Variants in HIBADH observed in about 807,000 individuals in gnomAD.
The protein encoded by HIBADH is 3-hydroxyisobutyrate dehydrogenase, mitochondrial.
HIBADH carries 25 observed loss-of-function variants against 36.1 expected under a neutral mutation model. The ratio of observed to expected loss-of-function variants is 0.69; its 90% CI spans 0.50 to 0.97. The LOEUF (loss-of-function observed/expected upper bound fraction) is 0.97, where lower values mean the gene tolerates loss of function less well. Among genes scored for constraint, HIBADH ranks in the 50% least tolerant of loss-of-function variants. The pLI is 0.00. For synonymous variants in HIBADH, 160 were observed against 149.5 expected, an observed-to-expected ratio of 1.07 and a Z score of -0.51; for missense variants, 421 against 418.0, an observed-to-expected ratio of 1.01 and a Z score of -0.06.
At chr7:27,647,957 C>T (rs980610488) in intron 2 of HIBADH, among the ~76,000 whole-genome samples, 7 of 152,288 alleles carry the variant, frequency 4.6e-5, no homozygotes, top group South Asian at 2.1e-4. Context: ...AATTCCTACC[C>T]CACTCTTTGG....
intron 4 of HIBADH, among the ~76,000 whole-genome samples, chr7:27,611,288 T>G (rs901562519): frequency 6.6e-5 from 10 of 152,222 alleles, no homozygotes; most frequent in Non-Finnish European, 1.3e-4. Context: ...AATCTACAGA[T>G]GTATTAGGCA....
intron 4 of HIBADH, among the ~76,000 whole-genome samples, chr7:27,554,311 A>G (rs1784361030): frequency 6.6e-6 from 1 of 152,220 alleles, no homozygotes. Context: ...AAGCCAAATA[A>G]GAGGAAAAAA....
At chr7:27,590,784 C>T (rs935226102) in intron 4 of HIBADH, among the ~76,000 whole-genome samples, 2 of 152,138 alleles carry the variant, frequency 1.3e-5, no homozygotes, top group Non-Finnish European at 2.9e-5. Flanking sequence ...ATAATATTAG[C>T]AAATATTATT....
intron 4 of HIBADH, among the ~76,000 whole-genome samples, chr7:27,627,212 G>T (rs1362429109): frequency 6.6e-6 from 1 of 152,162 alleles, no homozygotes; most frequent in Non-Finnish European, 1.5e-5. Flanking sequence ...ATTGCTTATG[G>T]TGTTTTTCAG....
intron 1 of HIBADH, among the ~76,000 whole-genome samples, chr7:27,658,143 TATAAA>T (rs1786341767): frequency 2.0e-5 from 3 of 152,106 alleles, no homozygotes; most frequent in African/African-American, 4.8e-5. Flanking sequence ...GCTTGGCAAA[TATAAA>T]ATAATTTGCA....
At chr7:27,631,461 C>T (rs929451767) in intron 3 of HIBADH, among the ~76,000 whole-genome samples, 13 of 152,302 alleles carry the variant, frequency 8.5e-5, no homozygotes, top group African/African-American at 3.1e-4. Flanking sequence ...TTTCTTTTAG[C>T]CCTTCTTGTG....
intron 4 of HIBADH, among the ~76,000 whole-genome samples, chr7:27,571,024 T>C (rs1784621058): frequency 1.3e-5 from 2 of 152,134 alleles, no homozygotes; most frequent in African/African-American, 4.8e-5. Context: ...TATTCATGTC[T>C]CAACTTTTCT....
chr7:27,538,772 A>C (rs1012715610), intron 5 of HIBADH, among the ~76,000 whole-genome samples: 1 of 152,128 alleles, frequency 6.6e-6, no homozygotes, highest in African/African-American at 2.4e-5. Context: ...GGCAACAAAA[A>C]CAAGTGGTGA....
At chr7:27,621,995 T>C (rs1312247181) in intron 4 of HIBADH, among the ~76,000 whole-genome samples, 1 of 129,690 alleles carries the variant, frequency 7.7e-6, no homozygotes, top group East Asian at 2.0e-4. Flanking sequence ...TCCCAGCACT[T>C]TGGGAGGCCA....
chr7:27,660,777 T>C (rs906040516), intron 1 of HIBADH, among the ~76,000 whole-genome samples: 1 of 152,174 alleles, frequency 6.6e-6, no homozygotes, highest in Non-Finnish European at 1.5e-5. Context: ...CAATTACCTT[T>C]GGGCCAAAGA....
chr7:27,540,751 CA>C (rs1784137243), intron 5 of HIBADH, among the ~76,000 whole-genome samples: 1 of 152,118 alleles, frequency 6.6e-6, no homozygotes, highest in Non-Finnish European at 1.5e-5. Flanking sequence ...TGTTTAGGGG[CA>C]AGTTGGCCCC....
chr7:27,541,173 G>A (rs190423684), intron 5 of HIBADH, among the ~76,000 whole-genome samples: 1 of 147,454 alleles, frequency 6.8e-6, no homozygotes, highest in African/African-American at 2.5e-5. Flanking sequence ...ACTTCTGTCT[G>A]CATTAAAAAC....
chr7:27,577,479 T>C (rs1433864987), intron 4 of HIBADH, among the ~76,000 whole-genome samples: 2 of 152,180 alleles, frequency 1.3e-5, no homozygotes, highest in Non-Finnish European at 2.9e-5. Context: ...CATTTCTCTC[T>C]TAAAATGAAT....
chr7:27,640,572 C>T (rs1785941672), intron 2 of HIBADH, among the ~76,000 whole-genome samples: 1 of 152,146 alleles, frequency 6.6e-6, no homozygotes, highest in Non-Finnish European at 1.5e-5. Flanking sequence ...ATCTGCTAAT[C>T]GTATATATTC....
rs530936318 is a variant in HIBADH, at chr7:27,578,450, G to A, written c.485-35350C>T. ...CATGCCTCAGACTCCTGATAGCTGA[G>A]ATTACAGGCGCCCACCACCACACCT... On this transcript the variant is annotated intron_variant, in intron 4 of 7. Transcript: ENST00000265395. Among the ~76,000 whole-genome samples, 429 of 152,038 alleles carry A rather than the reference G, an allele frequency of 2.8e-3. 3 individuals are homozygous for A. Among genetic ancestry groups the A allele is most frequent in the Non-Finnish European group, 5.3e-3 (362 of 67,962 alleles).
At chr7:27,660,536 G>A (rs1211296095) in intron 1 of HIBADH, among the ~76,000 whole-genome samples, 1 of 152,058 alleles carries the variant, frequency 6.6e-6, no homozygotes, top group Admixed American at 6.6e-5. Context: ...GTGGTGGCAG[G>A]CGCCTGTAGT....
intron 4 of HIBADH, among the ~76,000 whole-genome samples, chr7:27,619,804 T>G (rs1785505270): frequency 6.6e-6 from 1 of 152,184 alleles, no homozygotes; most frequent in Non-Finnish European, 1.5e-5. Flanking sequence ...AAAGCATTCA[T>G]GACATTTGGG....
rs137868621 is a variant in HIBADH at position 27,616,410 on chromosome 7, G to A, written c.484+12961C>T. Among the ~76,000 whole-genome samples the A allele has an allele frequency of 3.6e-3, 544 of 152,250 alleles. 5 individuals carry two copies. The highest frequency in any genetic ancestry group is 0.013 in the African/African-American group (525 of 41,532). ...ACAGTAATATCAAATGAGTGAATGT[G>A]AAGGCTTAGGAAAGGCCCAGGCTAA... On this transcript the variant is annotated intron_variant, in intron 4 of 7. Coordinates refer to ENST00000265395, the MANE Select transcript of HIBADH (RefSeq NM_152740.4).
At chr7:27,632,237 A>G in intron 3 of HIBADH, 99 bp downstream of exon 3, 1 of 801,384 alleles carries the variant, frequency 1.2e-6, no homozygotes, top group Non-Finnish European at 2.1e-6. Context: ...ACAGTATAGA[A>G]AGGTTTAACA....
Sources: gnomAD v4.1 joint callset for allele counts (sites outside exome capture counted in the v4.1 genomes callset) on GRCh38, gnomAD v4.1.1 for gene constraint, MANE v1.5 for transcripts, NCBI Gene and HGNC (gene_info 2026-07-23, HGNC 2026-07-21) for gene names.